Variants in HHAT observed in about 807,000 individuals in gnomAD.
HHAT encodes hedgehog acyltransferase.
HHAT carries 47 observed loss-of-function variants against 70.8 expected under a neutral mutation model. The ratio of observed to expected loss-of-function variants is 0.66; its 90% confidence interval spans 0.53 to 0.85. The LOEUF (loss-of-function observed/expected upper bound fraction) is 0.85, where lower values mean the gene tolerates loss of function less well. Ranked by LOEUF, HHAT falls within the 40% of genes least tolerant of loss-of-function variation. HHAT has a pLI of 0.00. For missense variants in HHAT, 609 were observed against 604.8 expected (o/e 1.01, Z -0.07); for synonymous variants, 228 against 247.6 (o/e 0.92, Z 0.74).
intron 10 of HHAT, among the ~76,000 whole-genome samples, chr1:210,593,948 T>C (rs2148803558): frequency 6.6e-6 from 1 of 152,336 alleles, no homozygotes. Flanking sequence ...TTATAGTTTT[T>C]ATCTTGAAAT....
intron 8 of HHAT, among the ~76,000 whole-genome samples, chr1:210,509,474 A>G (rs2148572055): frequency 6.6e-6 from 1 of 152,250 alleles, no homozygotes; most frequent in South Asian, 2.1e-4. Flanking sequence ...TGGCTAATGG[A>G]GACTGTCTGG....
chr1:210,415,545 T>G (rs1370581136), intron 6 of HHAT, among the ~76,000 whole-genome samples: 1 of 152,202 alleles, frequency 6.6e-6, no homozygotes, highest in Non-Finnish European at 1.5e-5. Flanking sequence ...AGATGAATTC[T>G]CCAAAGCAAT....
intron 7 of HHAT, among the ~76,000 whole-genome samples, chr1:210,439,019 A>C (rs1472184245): frequency 6.6e-6 from 1 of 151,934 alleles, no homozygotes; most frequent in East Asian, 1.9e-4. Flanking sequence ...CAGGAAGGCC[A>C]TGTGGCTTAC....
At chr1:210,460,909 A>T (rs35622901) in intron 7 of HHAT, among the ~76,000 whole-genome samples, 1 of 151,956 alleles carries the variant, frequency 6.6e-6, no homozygotes, top group Non-Finnish European at 1.5e-5. Context: ...TACCCTCTGC[A>T]CATGCTTGTT....
intron 11 of HHAT, among the ~76,000 whole-genome samples, chr1:210,656,832 C>T (rs1676525343): frequency 6.6e-6 from 1 of 152,146 alleles, no homozygotes; most frequent in South Asian, 2.1e-4. Context: ...CTTCCTGGTG[C>T]CCAGGACCCC....
intron 6 of HHAT, among the ~76,000 whole-genome samples, chr1:210,408,022 G>A (rs1329306040): frequency 2.0e-5 from 3 of 152,124 alleles, no homozygotes; most frequent in East Asian, 3.9e-4. Flanking sequence ...CTGTGCTTCG[G>A]CTTGAGAGTG....
At chr1:210,634,040 C>T (rs192898317) in intron 11 of HHAT, among the ~76,000 whole-genome samples, 1 of 152,314 alleles carries the variant, frequency 6.6e-6, no homozygotes, top group African/African-American at 2.4e-5. Flanking sequence ...ATTGGGAAGA[C>T]TTCACCTGAT....
chr1:210,577,338 T>C (rs1278864132), intron 9 of HHAT, among the ~76,000 whole-genome samples: 1 of 152,194 alleles, frequency 6.6e-6, no homozygotes, highest in African/African-American at 2.4e-5. Flanking sequence ...CTTTATTGTA[T>C]TGAAATAAAT....
At chr1:210,545,328 CA>C (rs1313117478) in intron 9 of HHAT, among the ~76,000 whole-genome samples, 1 of 152,168 alleles carries the variant, frequency 6.6e-6, no homozygotes, top group African/African-American at 2.4e-5. Context: ...CTTGCTGCCA[CA>C]AGGCATTTGC....
At chr1:210,559,210 T>C (rs2095599820) in intron 9 of HHAT, among the ~76,000 whole-genome samples, 1 of 152,232 alleles carries the variant, frequency 6.6e-6, no homozygotes, top group Non-Finnish European at 1.5e-5. Flanking sequence ...TTTAAAATAG[T>C]AATCTAAAAG....
chr1:210,530,424 G>C (rs142920470), intron 9 of HHAT, among the ~76,000 whole-genome samples: 1 of 152,152 alleles, frequency 6.6e-6, no homozygotes, highest in Non-Finnish European at 1.5e-5. Context: ...ACCAATGTTT[G>C]CAATAATGTG....
At chr1:210,673,571 T>C (rs1351063702) in intron 11 of HHAT, among the ~76,000 whole-genome samples, 1 of 144,718 alleles carries the variant, frequency 6.9e-6, no homozygotes, top group African/African-American at 2.6e-5. Flanking sequence ...GCTTTAGTCC[T>C]CTAAACGTGG....
intron 9 of HHAT, among the ~76,000 whole-genome samples, chr1:210,570,473 T>C (rs1655990417): frequency 6.6e-6 from 1 of 151,602 alleles, no homozygotes. Context: ...TCCTGGAGGG[T>C]GTGAGAGATG....
At chr1:210,573,575 C>CT (rs1332521315) in intron 9 of HHAT, among the ~76,000 whole-genome samples, 4 of 152,178 alleles carry the variant, frequency 2.6e-5, no homozygotes, top group African/African-American at 9.7e-5. Context: ...AACTTGAGTA[C>CT]TTTAATTTTA....
At chr1:210,621,503 G>T (rs766780755) in intron 10 of HHAT, among the ~76,000 whole-genome samples, 1 of 152,126 alleles carries the variant, frequency 6.6e-6, no homozygotes, top group Non-Finnish European at 1.5e-5. Flanking sequence ...CTCTCACCCT[G>T]CCTCCCTAGT....
chr1:210,592,282 A>G (rs1661896273), intron 10 of HHAT, among the ~76,000 whole-genome samples: 1 of 151,918 alleles, frequency 6.6e-6, no homozygotes, highest in Admixed American at 6.6e-5. Flanking sequence ...CCATTTTTTG[A>G]AGAGATTGTC....
Position 210,448,839 on chromosome 1 carries a change from A to G in HHAT, c.857-15666A>G, listed in dbSNP as rs2093688729. ...GGTCTCCCAGCCCCTTAATTTCTAG[A>G]TAAGGTGGACCTGACTCTCTATTCC... On this transcript the variant is annotated intron_variant, in intron 7 of 11. Coordinates refer to ENST00000261458, the MANE Select transcript of HHAT (RefSeq NM_018194.6). 3.3e-5 allele frequency among the ~76,000 whole-genome samples: 5 copies of G among 152,160 alleles called. 1 individual carries two copies. The highest frequency in any genetic ancestry group is 1.3e-4 in the Admixed American group (2 of 15,270).
chr1:210,633,221 C>T (rs1056815765), intron 11 of HHAT, among the ~76,000 whole-genome samples: 1 of 152,194 alleles, frequency 6.6e-6, no homozygotes, highest in Non-Finnish European at 1.5e-5. Flanking sequence ...CTGTAAGAAA[C>T]AGTTCATGAG....
chr1:210,618,618 AG>A (rs943905222), intron 10 of HHAT, among the ~76,000 whole-genome samples: 3 of 151,934 alleles, frequency 2.0e-5, no homozygotes, highest in Non-Finnish European at 4.4e-5. Flanking sequence ...CTCCCGTCTC[AG>A]CCCCACATGC....
Sources: gnomAD v4.1 joint callset for allele counts (sites outside exome capture counted in the v4.1 genomes callset) on GRCh38, gnomAD v4.1.1 for gene constraint, MANE v1.5 for transcripts, NCBI Gene and HGNC (gene_info 2026-07-23, HGNC 2026-07-21) for gene names.